NTRK3: variants seen among roughly 807,000 people sequenced by gnomAD.
NTRK3 encodes NT-3 growth factor receptor.
NTRK3 carries 24 observed loss-of-function variants against 91.7 expected under a neutral mutation model. The observed-to-expected ratio is 0.26, with a 90% confidence interval of 0.19 to 0.37. The LOEUF (loss-of-function observed/expected upper bound fraction) is 0.37, where lower values mean the gene tolerates loss of function less well. Ranked by LOEUF, NTRK3 falls within the 10% of genes least tolerant of loss-of-function variation. The pLI is 1.00. For synonymous variants in NTRK3, 483 were observed against 404.0 expected, an observed-to-expected ratio of 1.20 and a Z score of -2.34; for missense variants, 880 against 1,068.9, an observed-to-expected ratio of 0.82 and a Z score of 2.46.
At chr15:88,158,484 A>G (rs1410639036) in intron 5 of NTRK3, among the ~76,000 whole-genome samples, 5 of 152,136 alleles carry the variant, frequency 3.3e-5, no homozygotes, top group Admixed American at 6.5e-5. Context: ...GTCCAGGGAA[A>G]ATGCGGTCCT....
Position 88,246,332 on chromosome 15 carries a change from G to A in NTRK3, c.248+9574C>T, listed in dbSNP as rs555285576. On this transcript the variant is annotated intron_variant, in intron 3 of 18. Coordinates refer to ENST00000394480, the Ensembl canonical transcript of NTRK3. ...TATGGTTATCTCCTAAAGCAGACAC[G>A]GGATCTGCAGAGGTTAAGAGAAGGC... Among the ~76,000 whole-genome samples the A allele has an allele frequency of 5.8e-4, 88 of 152,312 alleles. 1 individual carries two copies. In the South Asian group the frequency reaches 0.018, roughly 31 times the overall value.
At chr15:87,978,675 G>A in intron 14 of NTRK3, 1 of 232,740 alleles carries the variant, frequency 4.3e-6, no homozygotes, top group Non-Finnish European at 8.5e-6. Context: ...GAGAGAAGAG[G>A]AAGTAGGGGG....
intron 12 of NTRK3, 33 bp downstream of exon 12, chr15:88,127,129 C>A: frequency 6.3e-7 from 1 of 1,585,064 alleles, no homozygotes; most frequent in South Asian, 1.1e-5. Context: ...CTATGCCAGT[C>A]AACACACTCC....
intron 13 of NTRK3, among the ~76,000 whole-genome samples, chr15:88,081,571 C>G (rs1306457386): frequency 6.6e-6 from 1 of 152,246 alleles, no homozygotes; most frequent in African/African-American, 2.4e-5. Context: ...ACTCCATCCT[C>G]TGTGTGCCTC....
intron 13 of NTRK3, among the ~76,000 whole-genome samples, chr15:88,041,292 T>C (rs2079583408): frequency 6.6e-6 from 1 of 152,156 alleles, no homozygotes; most frequent in South Asian, 2.1e-4. Flanking sequence ...ACTCCTTCCT[T>C]TACACTTGTA....
At chr15:87,927,236 A>C (rs935609939) in intron 17 of NTRK3, 1 of 152,234 alleles carries the variant, frequency 6.6e-6, no homozygotes, top group African/African-American at 2.4e-5. Context: ...ACAACGGTAC[A>C]TCATCTGCCA....
intron 14 of NTRK3, chr15:87,981,169 A>C (rs2074229713): frequency 1.3e-6 from 2 of 1,551,538 alleles, no homozygotes; most frequent in Non-Finnish European, 1.7e-6. Context: ...TAAGAACCAA[A>C]ATTGGTTAGG....
At chr15:88,222,376 G>A (rs761050747) in intron 3 of NTRK3, among the ~76,000 whole-genome samples, 1 of 152,170 alleles carries the variant, frequency 6.6e-6, no homozygotes, top group African/African-American at 2.4e-5. Flanking sequence ...AAGGTCACAC[G>A]GCTGGCAAGA....
exon 19 of NTRK3, chr15:87,871,323 A>G (rs1431959695): frequency 4.8e-5 from 11 of 229,854 alleles, no homozygotes. Flanking sequence ...TCTTCAGGGT[A>G]GGGCAGCCCA....
chr15:88,246,021 C>T (rs1049153732), intron 3 of NTRK3, among the ~76,000 whole-genome samples: 33 of 152,172 alleles, frequency 2.2e-4, no homozygotes, highest in African/African-American at 7.0e-4. Flanking sequence ...GCCTGCAGCC[C>T]CAGGTCAGGA....
In NTRK3 at chr15:88,050,486, C is replaced by CGTGT. The variant is rs55943475; in HGVS notation, c.1397-17445_1397-17442dup. ...GGTAGATTGAGTAATCAATATATAC[C>CGTGT]GTGTGTGTGTGTGTGTGTGTGTGTG... On this transcript the variant is annotated intron_variant, in intron 13 of 18. Transcript: ENST00000394480. Among the ~76,000 whole-genome samples the CGTGT allele has an allele frequency of 6.6e-3, 955 of 144,248 alleles. 8 individuals carry two copies. Among genetic ancestry groups the CGTGT allele is most frequent in the African/African-American group, 8.8e-3 (352 of 39,812 alleles). The allele number at this position is 144,248 out of a possible 152,430, so 94.6% of individuals were successfully genotyped here.
exon 4 of NTRK3, chr15:88,184,240 G>A: frequency 6.2e-7 from 1 of 1,614,142 alleles, no homozygotes; most frequent in Non-Finnish European, 8.5e-7. Context: ...TTGAAGTCCG[G>A]TGTAGAGCTC....
chr15:88,094,724 C>T (rs2049403604), intron 13 of NTRK3, among the ~76,000 whole-genome samples: 2 of 152,126 alleles, frequency 1.3e-5, no homozygotes, highest in African/African-American at 4.8e-5. Context: ...ATGTCTACAG[C>T]CCTAGCTGAC....
exon 19 of NTRK3, chr15:87,870,519 T>C (rs1258301473): frequency 4.8e-6 from 1 of 207,540 alleles, no homozygotes; most frequent in Non-Finnish European, 9.8e-6. Context: ...ATCTCACAAA[T>C]CACCACCAAA....
In NTRK3 at chr15:88,184,130, G is replaced by C. The variant is rs2046756001; in HGVS notation, c.323+95C>G. 5.8e-6 allele frequency: 7 copies of C among 1,210,512 alleles called. No homozygotes were observed. In the East Asian group the frequency reaches 1.7e-4, roughly 30 times the overall value. 75.0% of individuals were successfully genotyped at this position (1,210,512 alleles called of 1,614,324 possible). On this transcript the variant is annotated intron_variant, in intron 4 of 18. Coordinates refer to ENST00000394480, the Ensembl canonical transcript of NTRK3. The stretch of plus-strand genomic sequence containing the variant: ...CCTGGGGGAGAAAGCACGGATGGCA[G>C]TCTTGCTGTGCCCCTCACGCCACCC...
At chr15:88,201,551 C>T (rs2048308210) in intron 3 of NTRK3, among the ~76,000 whole-genome samples, 1 of 152,208 alleles carries the variant, frequency 6.6e-6, no homozygotes, top group African/African-American at 2.4e-5. Context: ...TCCTCCTGCA[C>T]ACCTCGTACA....
intron 13 of NTRK3, among the ~76,000 whole-genome samples, chr15:88,115,152 ACTG>A (rs1457370351): frequency 6.6e-6 from 1 of 152,202 alleles, no homozygotes; most frequent in Non-Finnish European, 1.5e-5. Context: ...CATTCTACAC[ACTG>A]GGCAACAGCA....
intron 10 of NTRK3, among the ~76,000 whole-genome samples, chr15:88,129,507 C>A (rs370929470): frequency 1.1e-4 from 17 of 152,234 alleles, no homozygotes; most frequent in African/African-American, 2.6e-4. Context: ...AGGCTCTTGC[C>A]CACTCTACCA....
intron 5 of NTRK3, among the ~76,000 whole-genome samples, chr15:88,157,632 C>T (rs1432303073): frequency 6.6e-6 from 1 of 152,080 alleles, no homozygotes; most frequent in Non-Finnish European, 1.5e-5. Flanking sequence ...CACTCAGAAC[C>T]TCGCAGAACA....
Sources: gnomAD v4.1 joint callset for allele counts (sites outside exome capture counted in the v4.1 genomes callset) on GRCh38, gnomAD v4.1.1 for gene constraint, MANE v1.5 for transcripts, NCBI Gene and HGNC (gene_info 2026-07-23, HGNC 2026-07-21) for gene names.